Variants in SLC66A2 observed in about 807,000 individuals in gnomAD.
The protein encoded by SLC66A2 is PQ loop repeat containing 1.
SLC66A2 carries 23 observed loss-of-function variants against 25.5 expected under a neutral mutation model. The ratio of observed to expected loss-of-function variants is 0.90; its 90% CI spans 0.65 to 1.28. The LOEUF (loss-of-function observed/expected upper bound fraction) is 1.28, where lower values mean the gene tolerates loss of function less well. Among genes scored for constraint, SLC66A2 ranks in the 50% most tolerant of loss-of-function variants. The pLI is 0.00. For synonymous variants in SLC66A2, 193 were observed against 166.5 expected (o/e 1.16, Z -1.23); for missense variants, 396 against 373.1 (o/e 1.06, Z -0.51).
chr18:79,907,627 A>G (rs1982327637), intron 5 of SLC66A2, among the ~76,000 whole-genome samples: 3 of 152,146 alleles, frequency 2.0e-5, no homozygotes, highest in Admixed American at 2.0e-4. Context: ...CTAGGATTAC[A>G]GGCGTGAGCC....
rs563015400 is a variant in SLC66A2, at chr18:79,903,434, A to C, written c.*542T>G. 2 of 154,542 alleles carry C rather than the reference A, an allele frequency of 1.3e-5. No individual in the cohort carries two copies. The highest frequency in any genetic ancestry group is 1.3e-4 in the Admixed American group (2 of 15,310). The allele number at this position is 154,542 out of a possible 1,614,324, so 9.6% of individuals were successfully genotyped here. ...CGGAGCACGGTGACCCTGCGTCCGC[A>C]CAGCCGCCTTTCCGTGTGTACCAGG... On this transcript the variant is annotated 3_prime_UTR_variant, in exon 6 of 6. Transcript: ENST00000397778.
rs571466721 is a variant in SLC66A2 at position 79,938,834 on chromosome 18, G to A, written c.337+4495C>T. ...TGGGATTACAGGCATGCGCCACCACGCCCAGCTAACTTTTTGTATCTTTAG... is the reference window on the plus strand; with the variant it reads ...TGGGATTACAGGCATGCGCCACCACACCCAGCTAACTTTTTGTATCTTTAG... On this transcript the variant is annotated intron_variant, in intron 3 of 5. Coordinates refer to ENST00000397778, the MANE Select transcript of SLC66A2 (RefSeq NM_025078.5). Among the ~76,000 whole-genome samples, 8 of 152,214 alleles carry A rather than the reference G, an allele frequency of 5.3e-5. No homozygotes were observed. The East Asian group carries it at 5.8e-4, about 11-fold the overall frequency.
At chr18:79,906,720 T>A (rs1370577644) in intron 5 of SLC66A2, among the ~76,000 whole-genome samples, 1 of 152,240 alleles carries the variant, frequency 6.6e-6, no homozygotes, top group Non-Finnish European at 1.5e-5. Flanking sequence ...ATTTTCTACA[T>A]CCTTGCTAAC....
intron 5 of SLC66A2, among the ~76,000 whole-genome samples, chr18:79,910,599 G>A (rs141394982): frequency 2.0e-5 from 3 of 152,358 alleles, no homozygotes; most frequent in Non-Finnish European, 2.9e-5. Flanking sequence ...TTTAAGGCAA[G>A]TTTAAGCTGT....
At chr18:79,939,165 A>T (rs1252436558) in intron 3 of SLC66A2, among the ~76,000 whole-genome samples, 3 of 152,230 alleles carry the variant, frequency 2.0e-5, no homozygotes, top group Non-Finnish European at 2.9e-5. Flanking sequence ...AATCCCTATA[A>T]AAGATAGCTG....
chr18:79,941,577 T>A lies in SLC66A2; in HGVS notation c.337+1752A>T, dbSNP rs1346784791. 3 of 152,208 alleles carry A rather than the reference T, an allele frequency of 2.0e-5. No homozygotes were observed. The highest frequency in any genetic ancestry group is 4.4e-5 in the Non-Finnish European group (3 of 68,056). The allele number at this position is 152,208 out of a possible 1,614,324, so 9.4% of individuals were successfully genotyped here. ...AAGAAGTGACACAGAACGCCAGGCATCCACCATCCCACTCCCTTCTTATCC... is the reference window on the plus strand; with the variant it reads ...AAGAAGTGACACAGAACGCCAGGCAACCACCATCCCACTCCCTTCTTATCC... On this transcript the variant is annotated intron_variant, in intron 3 of 5. Transcript: ENST00000397778. This position sits in a 1 kb window ranked among gnomAD's most constrained non-coding sequence, Gnocchi z 4.1.
chr18:79,903,988 G>T lies in SLC66A2; in HGVS notation c.804C>A (p.Thr268=). 6.2e-7 allele frequency: 1 copy of T among 1,601,360 alleles called. No individual in the cohort carries two copies. Among genetic ancestry groups the T allele is most frequent in the Non-Finnish European group, 8.5e-7 (1 of 1,175,682 alleles). The change falls in exon 6 of 6, where the codon ACC becomes ACA. Residue 268 remains threonine, a synonymous_variant. Transcript: ENST00000397778. The part of the protein sequence containing the change: ...PAPHAVHPTG[T]KAL ...GTCCTCCCCACTGTCAGAGGGCCTT[G>T]GTGCCAGTGGGGTGCACGGCGTGGG...
rs1248827077 is a variant in SLC66A2, at chr18:79,918,389, C to T, written c.608+795G>A. 3.6e-5 allele frequency among the ~76,000 whole-genome samples: 4 copies of T among 111,756 alleles called. No individual in the cohort carries two copies. Among genetic ancestry groups the T allele is most frequent in the South Asian group, 3.5e-4 (1 of 2,890 alleles). The allele number at this position is 111,756 out of a possible 152,430, so 73.3% of individuals were successfully genotyped here. A position where few individuals can be genotyped will look rare whatever the true frequency, so the allele number is the denominator to read the frequency against. ...GGTGTTCTCCGTGAGGAGCGGGCAC[C>T]GGGGGGCGGATCCCCAGTGAGGAGC... On this transcript the variant is annotated intron_variant, in intron 5 of 5. Coordinates refer to ENST00000397778, the MANE Select transcript of SLC66A2 (RefSeq NM_025078.5). The surrounding 1 kb of genome is among the most constrained non-coding windows in gnomAD (Gnocchi z 4.0).
chr18:79,929,921 C>G (rs906591457), intron 4 of SLC66A2, among the ~76,000 whole-genome samples: 2 of 151,594 alleles, frequency 1.3e-5, no homozygotes, highest in Non-Finnish European at 2.9e-5. Context: ...AAACAGAAAA[C>G]AGAATTAAGA....
chr18:79,935,235 C>G (rs1986963606), intron 3 of SLC66A2: 1 of 152,344 alleles, frequency 6.6e-6, no homozygotes, highest in African/African-American at 2.4e-5. Context: ...AGGCAGCCAG[C>G]CGGCAGGCTG....
At chr18:79,907,438 G>A (rs1375029240) in intron 5 of SLC66A2, among the ~76,000 whole-genome samples, 8 of 135,960 alleles carry the variant, frequency 5.9e-5, no homozygotes, top group South Asian at 2.6e-4. Context: ...TGCAAGCTCC[G>A]CCTCCCCAGT....
rs971185123 is a variant in SLC66A2 at position 79,940,924 on chromosome 18, A to G, written c.337+2405T>C. Among the ~76,000 whole-genome samples the G allele has an allele frequency of 6.6e-6, 1 of 152,102 alleles. No individual in the cohort carries two copies. The highest frequency in any genetic ancestry group is 1.5e-5 in the Non-Finnish European group (1 of 67,996). On this transcript the variant is annotated intron_variant, in intron 3 of 5. Transcript: ENST00000397778. This position sits in a 1 kb window ranked among gnomAD's most constrained non-coding sequence, Gnocchi z 4.1. ...CCAGGAGTCATGCAGCTTGGTTCTCAGTCCTCCCCGGGGGAGGGCAGGCAC... is the reference window on the plus strand; with the variant it reads ...CCAGGAGTCATGCAGCTTGGTTCTCGGTCCTCCCCGGGGGAGGGCAGGCAC...
Position 79,940,069 on chromosome 18 carries a change from T to C in SLC66A2, c.337+3260A>G. Among the ~76,000 whole-genome samples the C allele has an allele frequency of 6.6e-6, 1 of 152,212 alleles. No individual in the cohort carries two copies. The highest frequency in any genetic ancestry group is 1.9e-4 in the East Asian group (1 of 5,196). On this transcript the variant is annotated intron_variant, in intron 3 of 5. Transcript: ENST00000397778. This position sits in a 1 kb window ranked among gnomAD's most constrained non-coding sequence, Gnocchi z 4.1. ...GCAGCCATAAAAGAGAACAAGATCG[T>C]ATCCTTTAGAGGAGCACAGATGGAG...
intron 4 of SLC66A2, among the ~76,000 whole-genome samples, chr18:79,921,267 CG>C (rs754903972): frequency 0.046 from 13 of 280 alleles, no homozygotes; most frequent in African/African-American, 0.12. Flanking sequence ...TGAGGAGAGA[CG>C]GGAACCGAGG....
Position 79,920,115 on chromosome 18 carries a change from G to A in SLC66A2, c.392-715C>T, listed in dbSNP as rs201778724. 1.3e-3 allele frequency among the ~76,000 whole-genome samples: 92 copies of A among 70,930 alleles called. 29 individuals are homozygous for A. In the African/African-American group the frequency reaches 0.014, roughly 10 times the overall value. The allele number at this position is 70,930 out of a possible 152,430, so 46.5% of individuals were successfully genotyped here. On this transcript the variant is annotated intron_variant, in intron 4 of 5. Transcript: ENST00000397778. ...ACCGAGGGAGAGGTCAAGGTCAGTG[G>A]GGAGAGACGGAACCGAGGGAGAGGT... is the stretch of plus-strand genomic sequence containing the variant.
chr18:79,948,999 G>A (rs771584126), intron 2 of SLC66A2, among the ~76,000 whole-genome samples: 1 of 152,200 alleles, frequency 6.6e-6, no homozygotes, highest in African/African-American at 2.4e-5. Flanking sequence ...GAAAGAAGGA[G>A]TCTCCAAAAT....
chr18:79,927,753 G>A lies in SLC66A2; in HGVS notation c.391+6216C>T, dbSNP rs1221748205. Reference sequence around the variant, plus strand: ...GGCCAGCCGTGCCGGCTTCCAAAGAGGACCCCGGGAAACAAACACCCTCCC... The same window carrying A: ...GGCCAGCCGTGCCGGCTTCCAAAGAAGACCCCGGGAAACAAACACCCTCCC... On this transcript the variant is annotated intron_variant, in intron 4 of 5. Transcript: ENST00000397778. This position sits in a 1 kb window ranked among gnomAD's most constrained non-coding sequence, Gnocchi z 6.2. Among the ~76,000 whole-genome samples the A allele has an allele frequency of 2.0e-5, 3 of 152,190 alleles. No individual in the cohort carries two copies. Among genetic ancestry groups the A allele is most frequent in the African/African-American group, 4.8e-5 (2 of 41,448 alleles).
chr18:79,905,403 TGGTGCAG>T (rs1029278907), intron 5 of SLC66A2, among the ~76,000 whole-genome samples: 2 of 152,200 alleles, frequency 1.3e-5, no homozygotes, highest in African/African-American at 4.8e-5. Context: ...CGGGGGAAGG[TGGTGCAG>T]GCCCCTCGGC....
Position 79,903,807 on chromosome 18 carries a change from A to AC in SLC66A2, c.*168dup. 2 of 499,868 alleles carry AC rather than the reference A, an allele frequency of 4.0e-6. No individual in the cohort carries two copies. The highest frequency in any genetic ancestry group is 5.4e-4 in the Middle Eastern group (1 of 1,844). The allele number at this position is 499,868 out of a possible 1,614,324, so 31.0% of individuals were successfully genotyped here. A position where few individuals can be genotyped will look rare whatever the true frequency, so the allele number is the denominator to read the frequency against. On this transcript the variant is annotated 3_prime_UTR_variant, in exon 6 of 6. Coordinates refer to ENST00000397778, the MANE Select transcript of SLC66A2 (RefSeq NM_025078.5). Reference sequence around the variant, plus strand: ...TGAGCACAAACAGCGTCCCAGCCCCACCCCCACTGCCCACCCTGAGACACC... The same window carrying AC: ...TGAGCACAAACAGCGTCCCAGCCCCACCCCCCACTGCCCACCCTGAGACACC...
Sources: allele counts gnomAD v4.1 joint callset (sites outside exome capture counted in the v4.1 genomes callset), GRCh38; gene constraint gnomAD v4.1.1; non-coding constraint Gnocchi (gnomAD v3.1); transcripts MANE v1.5; gene names NCBI Gene and HGNC (gene_info 2026-07-23, HGNC 2026-07-21).